Variants in MYO1E observed in about 807,000 individuals in gnomAD.
MYO1E encodes unconventional myosin-Ie.
A neutral mutation model predicts 151.1 loss-of-function variants in MYO1E; 68 were observed. That is an observed-to-expected ratio of 0.45 (90% CI 0.37 to 0.55). MYO1E has a LOEUF of 0.55. Ranked by LOEUF, MYO1E falls within the 20% of genes least tolerant of loss-of-function variation. MYO1E has a pLI of 0.00. For synonymous variants in MYO1E, 601 were observed against 501.7 expected, an observed-to-expected ratio of 1.20 and a Z score of -2.64; for missense variants, 1,363 against 1,389.3, an observed-to-expected ratio of 0.98 and a Z score of 0.30.
intron 17 of MYO1E, among the ~76,000 whole-genome samples, chr15:59,190,302 C>T (rs2081604145): frequency 1.3e-5 from 2 of 152,174 alleles, no homozygotes; most frequent in African/African-American, 4.8e-5. Flanking sequence ...CTGTTTGGTA[C>T]ATTTGGGGAT....
chr15:59,239,034 C>T (rs541192269), intron 4 of MYO1E, among the ~76,000 whole-genome samples: 63 of 150,866 alleles, frequency 4.2e-4, no homozygotes, highest in South Asian at 1.7e-3. Flanking sequence ...GGTGAATCCC[C>T]GTCTCTACTA....
chr15:59,318,488 T>C (rs1438084860), intron 1 of MYO1E, among the ~76,000 whole-genome samples: 3 of 152,172 alleles, frequency 2.0e-5, no homozygotes, highest in Admixed American at 6.5e-5. Context: ...TAAAGGATGG[T>C]AGACTTGATA....
intron 16 of MYO1E, among the ~76,000 whole-genome samples, chr15:59,201,650 C>T (rs1378043761): frequency 1.3e-5 from 2 of 152,132 alleles, no homozygotes; most frequent in African/African-American, 2.4e-5. Flanking sequence ...GTGATCCACC[C>T]GCCTCAGCCT....
chr15:59,290,317 G>T (rs544053136), intron 1 of MYO1E, among the ~76,000 whole-genome samples: 396 of 152,326 alleles, frequency 2.6e-3, no homozygotes, highest in South Asian at 0.017. Flanking sequence ...GCTGCCTTTA[G>T]ATCCCACAGT....
At chr15:59,185,050 GT>G (rs2079687443) in intron 18 of MYO1E, among the ~76,000 whole-genome samples, 1 of 152,256 alleles carries the variant, frequency 6.6e-6, no homozygotes, top group African/African-American at 2.4e-5. Context: ...TATTGAACAC[GT>G]TTTCATATGC....
At chr15:59,329,487 A>C (rs1212808464) in intron 1 of MYO1E, among the ~76,000 whole-genome samples, 1 of 152,218 alleles carries the variant, frequency 6.6e-6, no homozygotes, top group Non-Finnish European at 1.5e-5. Flanking sequence ...GAATGTAAAC[A>C]TTTCGGGTAG....
At position 59,337,134 on chromosome 15, in the gene MYO1E, C is replaced by T. The variant is rs185896169; in HGVS notation, c.3+35364G>A. Among the ~76,000 whole-genome samples, 1,146 of 152,084 alleles carry T rather than the reference C, an allele frequency of 7.5e-3. 11 individuals carry two copies. Among genetic ancestry groups the T allele is most frequent in the Non-Finnish European group, 0.012 (821 of 67,970 alleles). ...CACTTCTACTTTATTTCATTTGATT[C>T]TTATGGAGGTGTTTTATTATTATGA... is the stretch of plus-strand genomic sequence containing the variant. On this transcript the variant is annotated intron_variant, in intron 1 of 27. Transcript: ENST00000288235.
intron 21 of MYO1E, among the ~76,000 whole-genome samples, chr15:59,173,092 GA>G (rs1413950438): frequency 6.6e-6 from 1 of 152,202 alleles, no homozygotes; most frequent in Non-Finnish European, 1.5e-5. Context: ...AGGAGGAGGT[GA>G]AAAATCAACT....
chr15:59,325,675 T>A (rs1008834344), intron 1 of MYO1E, among the ~76,000 whole-genome samples: 4 of 152,216 alleles, frequency 2.6e-5, no homozygotes, highest in South Asian at 2.1e-4. Flanking sequence ...ATTATCTTTT[T>A]AAAATTAAAT....
Position 59,136,999 on chromosome 15 carries a change from G to A in MYO1E, c.*381C>T, listed in dbSNP as rs1418326976. 2 of 363,162 alleles carry A rather than the reference G, an allele frequency of 5.5e-6. No individual in the cohort carries two copies. Among genetic ancestry groups the A allele is most frequent in the African/African-American group, 4.2e-5 (2 of 47,220 alleles). The allele number at this position is 363,162 out of a possible 1,614,324, so 22.5% of individuals were successfully genotyped here. A position where few individuals can be genotyped will look rare whatever the true frequency, so the allele number is the denominator to read the frequency against. On this transcript the variant is annotated 3_prime_UTR_variant, in exon 28 of 28. Transcript: ENST00000288235. ...GAAAGAAATGTGCTCTTCAACTAAA[G>A]GCACTTGTCAGCGGCCACCTACAGC...
intron 2 of MYO1E, among the ~76,000 whole-genome samples, chr15:59,270,442 C>G (rs2080282473): frequency 6.7e-6 from 1 of 149,832 alleles, no homozygotes; most frequent in African/African-American, 2.5e-5. Flanking sequence ...ACTTGGGAGG[C>G]TGAGGTGGGA....
chr15:59,266,071 C>T (rs1253592344), intron 2 of MYO1E, among the ~76,000 whole-genome samples: 1 of 152,188 alleles, frequency 6.6e-6, no homozygotes, highest in African/African-American at 2.4e-5. Context: ...GTAGTTATTT[C>T]CGGTGAGAGT....
At chr15:59,281,254 C>CCTTTT (rs1269714015) in intron 1 of MYO1E, among the ~76,000 whole-genome samples, 3 of 151,822 alleles carry the variant, frequency 2.0e-5, no homozygotes, top group African/African-American at 7.3e-5. Context: ...CATGACTTTT[C>CCTTTT]CTTTTCTTTT....
At chr15:59,244,660 G>A (rs367940094) in intron 4 of MYO1E, among the ~76,000 whole-genome samples, 13 of 152,208 alleles carry the variant, frequency 8.5e-5, no homozygotes, top group South Asian at 2.1e-4. Context: ...TATCGGAGGC[G>A]GGCAGCTCTG....
At chr15:59,313,382 G>C (rs1567011689) in intron 1 of MYO1E, among the ~76,000 whole-genome samples, 2 of 152,144 alleles carry the variant, frequency 1.3e-5, no homozygotes, top group Admixed American at 6.5e-5. Context: ...AAGCAACACA[G>C]GTCTGATGTC....
intron 4 of MYO1E, among the ~76,000 whole-genome samples, chr15:59,239,198 C>T (rs1370610216): frequency 6.8e-6 from 1 of 146,878 alleles, no homozygotes; most frequent in African/African-American, 2.5e-5. Context: ...AAGAATGAAA[C>T]TGTGTCAAAA....
At chr15:59,276,655 G>C (rs546203457) in intron 1 of MYO1E, among the ~76,000 whole-genome samples, 1 of 152,270 alleles carries the variant, frequency 6.6e-6, no homozygotes, top group Admixed American at 6.5e-5. Flanking sequence ...CCACATAATA[G>C]CCTGGTTTGT....
intron 7 of MYO1E, among the ~76,000 whole-genome samples, chr15:59,226,381 T>C (rs2079991572): frequency 6.6e-6 from 1 of 152,200 alleles, no homozygotes; most frequent in South Asian, 2.1e-4. Flanking sequence ...CAAAAAACAG[T>C]GACCAGGTCT....
At chr15:59,175,674 A>G (rs2079620510) in intron 19 of MYO1E, among the ~76,000 whole-genome samples, 2 of 152,290 alleles carry the variant, frequency 1.3e-5, no homozygotes, top group African/African-American at 2.4e-5. Context: ...AAGAATATCC[A>G]TTGATATTTC....
Sources: gnomAD v4.1 joint callset for allele counts (sites outside exome capture counted in the v4.1 genomes callset) on GRCh38, gnomAD v4.1.1 for gene constraint, MANE v1.5 for transcripts, NCBI Gene and HGNC (gene_info 2026-07-23, HGNC 2026-07-21) for gene names.